Variants in AEBP2 observed in about 807,000 individuals in gnomAD.
AEBP2 encodes zinc finger protein AEBP2.
A neutral mutation model predicts 50.8 loss-of-function variants in AEBP2; 10 were observed. The observed-to-expected ratio is 0.20, with a 90% confidence interval of 0.12 to 0.33. AEBP2 has a LOEUF of 0.33. Among genes scored for constraint, AEBP2 ranks in the 10% least tolerant of loss-of-function variants. The pLI is 1.00. For missense variants in AEBP2, 570 were observed against 688.0 expected, an observed-to-expected ratio of 0.83 and a Z score of 1.92; for synonymous variants, 296 against 261.3, an observed-to-expected ratio of 1.13 and a Z score of -1.28.
intron 6 of AEBP2, among the ~76,000 whole-genome samples, chr12:19,514,442 G>A (rs2120620128): frequency 6.6e-6 from 1 of 152,280 alleles, no homozygotes. Context: ...CACTGAAAAT[G>A]TTTAATTTAT....
At chr12:19,462,205 T>G (rs1948391229) in intron 1 of AEBP2, among the ~76,000 whole-genome samples, 1 of 152,136 alleles carries the variant, frequency 6.6e-6, no homozygotes, top group African/African-American at 2.4e-5. Context: ...TGATAAGCTG[T>G]GTGTGTGGGG....
chr12:19,514,290 G>A (rs1314570527), intron 6 of AEBP2, among the ~76,000 whole-genome samples: 2 of 152,064 alleles, frequency 1.3e-5, no homozygotes, highest in Non-Finnish European at 2.9e-5. Flanking sequence ...AGGAGCCACC[G>A]CACTGGGCCC....
At chr12:19,404,702 T>G (rs552177277) in intron 1 of AEBP2, among the ~76,000 whole-genome samples, 1 of 152,268 alleles carries the variant, frequency 6.6e-6, no homozygotes, top group East Asian at 1.9e-4. Context: ...GAAAAGAACG[T>G]TGGGTCTGGC....
intron 1 of AEBP2, among the ~76,000 whole-genome samples, chr12:19,423,718 G>A (rs182705501): frequency 8.5e-5 from 13 of 152,342 alleles, no homozygotes; most frequent in Non-Finnish European, 1.6e-4. Context: ...GCTTACGCCT[G>A]TAATCCCAGC....
chr12:19,517,167 TC>T lies in AEBP2; in HGVS notation c.1482-919del, dbSNP rs368951309. ...ACATTTGTCCTAGTGTACAATCTTTTCTTAAATTTCTGGATTTTGACTGGGA... is the reference window on the plus strand; with the variant it reads ...ACATTTGTCCTAGTGTACAATCTTTTTTAAATTTCTGGATTTTGACTGGGA... On this transcript the variant is annotated intron_variant, in intron 7 of 7. Coordinates refer to ENST00000266508, the MANE Select transcript of AEBP2 (RefSeq NM_153207.5). 1.5e-4 allele frequency among the ~76,000 whole-genome samples: 23 copies of T among 152,354 alleles called. No homozygotes were observed. In the East Asian group the frequency reaches 4.4e-3, roughly 29 times the overall value.
At chr12:19,509,820 CTTTTTTTTTTTTT>C (rs57103167) in intron 5 of AEBP2, among the ~76,000 whole-genome samples, 5 of 68,774 alleles carry the variant, frequency 7.3e-5, no homozygotes, top group East Asian at 1.1e-3. Context: ...TGGCTACTTT[CTTTTTTTTTTTTT>C]TTTTTTTTTT....
chr12:19,439,921 G>A lies in AEBP2; in HGVS notation c.222G>A (p.Val74=), dbSNP rs1023259544. Residue 74 remains valine, a synonymous_variant, in exon 1 of 8, where the codon GTG becomes GTA. Transcript: ENST00000266508. ...GGGGGGGGGG[V]GGGEAETMSE... ...GCGGCGGAGGCGGCGGCGGAGGAGT[G>A]GGGGGCGGCGAGGCAGAGACGATGT... 2.0e-6 allele frequency: 3 copies of A among 1,505,088 alleles called. No individual in the cohort carries two copies. Among genetic ancestry groups the A allele is most frequent in the East Asian group, 2.7e-5 (1 of 37,138 alleles). The allele number at this position is 1,505,088 out of a possible 1,614,324, so 93.2% of individuals were successfully genotyped here. A position where few individuals can be genotyped will look rare whatever the true frequency, so the allele number is the denominator to read the frequency against.
At chr12:19,440,702 TTG>T in intron 1 of AEBP2, 2 of 1,533,476 alleles carry the variant, frequency 1.3e-6, no homozygotes, top group South Asian at 2.4e-5. Flanking sequence ...GAAGAGGGCC[TTG>T]ATGTACACAC....
chr12:19,419,998 A>C (rs1407155403), intron 1 of AEBP2, among the ~76,000 whole-genome samples: 4 of 151,880 alleles, frequency 2.6e-5, no homozygotes, highest in African/African-American at 9.7e-5. Flanking sequence ...ACCTAGGACA[A>C]TAATTTCAAG....
intron 1 of AEBP2, among the ~76,000 whole-genome samples, chr12:19,414,923 C>CAA (rs75855242): frequency 0.027 from 3,159 of 118,288 alleles, 39 homozygotes; most frequent in East Asian, 0.052. Flanking sequence ...ATTCTATCTC[C>CAA]AAAAAAAAAA....
At chr12:19,420,522 CAG>C (rs1721587328) in intron 1 of AEBP2, among the ~76,000 whole-genome samples, 1 of 151,430 alleles carries the variant, frequency 6.6e-6, no homozygotes, top group South Asian at 2.1e-4. Flanking sequence ...CTAGTAGAGA[CAG>C]GGTTTTGCTG....
In AEBP2 at chr12:19,518,292, A is replaced by AGT; in HGVS notation, c.*176_*177dup. ...CTTAGTGTAAACATTCTGTGAATGAAGTAGACTCTTCGGTGGAATATATTA... is the reference window on the plus strand; with the variant it reads ...CTTAGTGTAAACATTCTGTGAATGAAGTGTAGACTCTTCGGTGGAATATATTA... On this transcript the variant is annotated 3_prime_UTR_variant, in exon 8 of 8. Coordinates refer to ENST00000266508, the MANE Select transcript of AEBP2 (RefSeq NM_153207.5). 3 of 1,312,348 alleles carry AGT rather than the reference A, an allele frequency of 2.3e-6. No homozygotes were observed. Among genetic ancestry groups the AGT allele is most frequent in the Non-Finnish European group, 2.9e-6 (3 of 1,033,090 alleles). The allele number at this position is 1,312,348 out of a possible 1,614,324, so 81.3% of individuals were successfully genotyped here.
intron 3 of AEBP2, among the ~76,000 whole-genome samples, chr12:19,482,010 G>A (rs1285074312): frequency 1.3e-5 from 2 of 152,234 alleles, no homozygotes; most frequent in South Asian, 2.1e-4. Context: ...CATTACTGGG[G>A]TTATAGAACC....
chr12:19,412,622 C>T (rs748591280), intron 1 of AEBP2, among the ~76,000 whole-genome samples: 4 of 151,858 alleles, frequency 2.6e-5, no homozygotes, highest in Non-Finnish European at 4.4e-5. Flanking sequence ...TTTATGGAGA[C>T]AGAATCTCAC....
At chr12:19,478,193 C>G (rs1948678716) in intron 3 of AEBP2, among the ~76,000 whole-genome samples, 1 of 152,130 alleles carries the variant, frequency 6.6e-6, no homozygotes, top group Admixed American at 6.6e-5. Context: ...CCACTCTGGT[C>G]TTTGTTATTT....
intron 1 of AEBP2, among the ~76,000 whole-genome samples, 169 bp from the exon 2 acceptor site, chr12:19,462,341 C>T (rs1948394312): frequency 6.6e-6 from 1 of 152,064 alleles, no homozygotes; most frequent in South Asian, 2.1e-4. Context: ...TACTTCATTG[C>T]CAACTAATTA....
intron 1 of AEBP2, among the ~76,000 whole-genome samples, chr12:19,449,779 ATTAT>A (rs1360404530): frequency 6.6e-6 from 1 of 152,136 alleles, no homozygotes; most frequent in East Asian, 1.9e-4. Flanking sequence ...TTTTTTTTGA[ATTAT>A]TTTAGTGTGA....
chr12:19,464,405 G>T (rs896946355), intron 2 of AEBP2, among the ~76,000 whole-genome samples: 1 of 152,054 alleles, frequency 6.6e-6, no homozygotes, highest in South Asian at 2.1e-4. Context: ...GAGCTATTTG[G>T]AAGATCACTG....
At chr12:19,482,624 A>G (rs908661702) in intron 3 of AEBP2, among the ~76,000 whole-genome samples, 2 of 152,172 alleles carry the variant, frequency 1.3e-5, no homozygotes, top group South Asian at 2.1e-4. Flanking sequence ...GGCCTGGGCA[A>G]GTATTTTGGC....
Sources: gnomAD v4.1 joint callset for allele counts (sites outside exome capture counted in the v4.1 genomes callset) on GRCh38, gnomAD v4.1.1 for gene constraint, MANE v1.5 for transcripts, NCBI Gene and HGNC (gene_info 2026-07-23, HGNC 2026-07-21) for gene names.